ADGRV1: variants seen among roughly 807,000 people sequenced by gnomAD.
ADGRV1 encodes the protein adhesion G protein-coupled receptor V1, also known as G-protein coupled receptor 98.
A neutral mutation model predicts 596.2 loss-of-function variants in ADGRV1; 359 were observed. The ratio of observed to expected loss-of-function variants is 0.60; its 90% CI spans 0.55 to 0.66. The LOEUF is 0.66. Ranked by LOEUF, ADGRV1 falls within the 30% of genes least tolerant of loss-of-function variation. ADGRV1 has a pLI of 0.00. For missense variants in ADGRV1, 7,274 were observed against 7,575.6 expected, an observed-to-expected ratio of 0.96 and a Z score of 1.48; for synonymous variants, 2,681 against 2,679.2, an observed-to-expected ratio of 1.00 and a Z score of -0.02.
chr5:90,961,502 A>G (rs1431609067), intron 83 of ADGRV1, among the ~76,000 whole-genome samples: 2 of 128,808 alleles, frequency 1.6e-5, no homozygotes, highest in Admixed American at 1.5e-4. Context: ...AAAAAAAAAA[A>G]AAAAAGGGGG....
intron 18 of ADGRV1, among the ~76,000 whole-genome samples, chr5:90,651,953 C>G (rs1453734878): frequency 1.3e-5 from 2 of 151,158 alleles, no homozygotes; most frequent in Admixed American, 6.6e-5. Context: ...CCCCACCCCC[C>G]TCGTTCAAAC....
rs563083104 is a variant in ADGRV1, at chr5:90,661,822, A to G, written c.4752+3544A>G. Among the ~76,000 whole-genome samples, 8 of 152,314 alleles carry G rather than the reference A, an allele frequency of 5.3e-5. No homozygotes were observed. The East Asian group carries it at 1.5e-3, about 29-fold the overall frequency. On this transcript the variant is annotated intron_variant, in intron 21 of 89. Coordinates refer to ENST00000405460, the MANE Select transcript of ADGRV1 (RefSeq NM_032119.4). ...GTATCATAATTCTAAACTCAATTAG[A>G]TGAATATTTTAATATTAGAAAAAAG...
At chr5:91,057,725 G>A (rs1486271419) in intron 85 of ADGRV1, among the ~76,000 whole-genome samples, 1 of 152,200 alleles carries the variant, frequency 6.6e-6, no homozygotes, top group Non-Finnish European at 1.5e-5. Context: ...TGGTGGGAGA[G>A]GGGATTGTGA....
chr5:90,572,670 AAT>A (rs1291752449), intron 1 of ADGRV1, among the ~76,000 whole-genome samples: 11 of 152,182 alleles, frequency 7.2e-5, no homozygotes, highest in African/African-American at 2.7e-4. Context: ...ATGAATTAAC[AAT>A]ATCTAACAAA....
At chr5:90,970,435 G>A (rs1168477928) in intron 84 of ADGRV1, among the ~76,000 whole-genome samples, 1 of 152,178 alleles carries the variant, frequency 6.6e-6, no homozygotes, top group Admixed American at 6.5e-5. Context: ...CCTCAAGTGG[G>A]TCTCTGACCC....
At chr5:91,108,604 T>G (rs1267513861) in intron 87 of ADGRV1, among the ~76,000 whole-genome samples, 1 of 152,062 alleles carries the variant, frequency 6.6e-6, no homozygotes, top group African/African-American at 2.4e-5. Context: ...ACAGTCTTTT[T>G]TTTCCTTTGA....
intron 85 of ADGRV1, among the ~76,000 whole-genome samples, chr5:90,992,669 G>A (rs1781069617): frequency 6.6e-6 from 1 of 152,066 alleles, no homozygotes; most frequent in African/African-American, 2.4e-5. Flanking sequence ...TTTAGATTCT[G>A]GTTTAATTTC....
chr5:90,634,530 T>C (rs1765902627), intron 9 of ADGRV1, among the ~76,000 whole-genome samples: 2 of 152,130 alleles, frequency 1.3e-5, no homozygotes, highest in Admixed American at 6.6e-5. Context: ...ATAAATGGAG[T>C]TCTGAGTAGT....
At chr5:90,721,974 A>G (rs753568365) in intron 45 of ADGRV1, among the ~76,000 whole-genome samples, 6 of 152,230 alleles carry the variant, frequency 3.9e-5, no homozygotes, top group Non-Finnish European at 7.3e-5. Context: ...GGACAAGACC[A>G]TATCATTCAA....
intron 86 of ADGRV1, among the ~76,000 whole-genome samples, chr5:91,086,235 A>G (rs1474485961): frequency 6.6e-6 from 1 of 152,192 alleles, no homozygotes; most frequent in Non-Finnish European, 1.5e-5. Flanking sequence ...TATCAACTTG[A>G]GCCTAACTTC....
chr5:90,726,761 C>T (rs1751847464), intron 48 of ADGRV1, among the ~76,000 whole-genome samples: 1 of 151,870 alleles, frequency 6.6e-6, no homozygotes, highest in Admixed American at 6.6e-5. Flanking sequence ...GAAAGATTCA[C>T]TTATAGTTCA....
rs763746918 is a variant in ADGRV1, at chr5:90,815,605, A to G, written c.16079-14A>G. On this transcript the variant is annotated splice_polypyrimidine_tract_variant and intron_variant, in intron 74 of 89. Coordinates refer to ENST00000405460, the MANE Select transcript of ADGRV1 (RefSeq NM_032119.4). Reference sequence around the variant, plus strand: ...ATTCTTGAATATATTATAGCCCTCCATTCTTTTTTTCAGGGAGTGACCTTC... The same window carrying G: ...ATTCTTGAATATATTATAGCCCTCCGTTCTTTTTTTCAGGGAGTGACCTTC... 4 of 1,385,508 alleles carry G rather than the reference A, an allele frequency of 2.9e-6. No homozygotes were observed. Among genetic ancestry groups the G allele is most frequent in the Non-Finnish European group, 3.0e-6 (3 of 993,666 alleles). 85.8% of individuals were successfully genotyped at this position (1,385,508 alleles called of 1,614,324 possible).
intron 83 of ADGRV1, among the ~76,000 whole-genome samples, chr5:90,883,094 A>G (rs554672776): frequency 1.3e-5 from 2 of 152,318 alleles, no homozygotes; most frequent in Non-Finnish European, 2.9e-5. Context: ...GAGTATATCT[A>G]TAAAACTGTT....
chr5:91,011,399 GTC>G (rs1490059836), intron 85 of ADGRV1, among the ~76,000 whole-genome samples: 4 of 151,882 alleles, frequency 2.6e-5, no homozygotes, highest in African/African-American at 7.2e-5. Context: ...ACAGTTGTGT[GTC>G]TGTTTCTCTT....
In ADGRV1 at chr5:90,676,094, A is replaced by G; in HGVS notation, c.5328A>G (p.Thr1776=). The G allele has an allele frequency of 6.2e-7, 1 of 1,600,774 alleles. No individual in the cohort carries two copies. Among genetic ancestry groups the G allele is most frequent in the Non-Finnish European group, 8.5e-7 (1 of 1,171,810 alleles). ...TTATATTTCAGAATGTTGCTGGCAC[A>G]TTAGAATTTCAACCAGGAGAAAGAT... ...SPEDYQNVAG[T]LEFQPGERYK... The change falls in exon 25 of 90, where the codon ACA becomes ACG. Residue 1776 remains threonine (T), a synonymous_variant. Transcript: ENST00000405460.
intron 85 of ADGRV1, among the ~76,000 whole-genome samples, chr5:91,058,088 T>C (rs947095840): frequency 6.6e-6 from 1 of 152,080 alleles, no homozygotes; most frequent in Non-Finnish European, 1.5e-5. Context: ...CCTGAAAACA[T>C]TTTAGGTTAT....
In ADGRV1 at chr5:90,755,774, CAA is replaced by C. The variant is rs1755767332; in HGVS notation, c.11580+592_11580+593del. ...TGTTAATAATATTATAAAATAATAA[CAA>C]AATGTTGTTTTATATTATATAAATA... On this transcript the variant is annotated intron_variant, in intron 55 of 89. Coordinates refer to ENST00000405460, the MANE Select transcript of ADGRV1 (RefSeq NM_032119.4). Among the ~76,000 whole-genome samples, 3 of 148,498 alleles carry C rather than the reference CAA, an allele frequency of 2.0e-5. No individual in the cohort carries two copies. The South Asian group carries it at 6.3e-4, about 31-fold the overall frequency.
At position 90,682,574 on chromosome 5, in the gene ADGRV1, A is replaced by G. The variant is rs1745089344; in HGVS notation, c.5665-1012A>G. Reference sequence around the variant, plus strand: ...TAGCTGCTTGCTCAGCTTCCATACGAATAATGAAGAAATATCACTCAAACA... The same window carrying G: ...TAGCTGCTTGCTCAGCTTCCATACGGATAATGAAGAAATATCACTCAAACA... On this transcript the variant is annotated intron_variant, in intron 27 of 89. Coordinates refer to ENST00000405460, the MANE Select transcript of ADGRV1 (RefSeq NM_032119.4). Among the ~76,000 whole-genome samples the G allele has an allele frequency of 2.0e-5, 3 of 152,236 alleles. No individual in the cohort carries two copies. In the South Asian group the frequency reaches 6.2e-4, roughly 32 times the overall value.
At chr5:90,704,590 A>G in intron 36 of ADGRV1, 102 bp downstream of exon 36, 1 of 666,438 alleles carries the variant, frequency 1.5e-6, no homozygotes, top group South Asian at 2.1e-5. Flanking sequence ...ACCAATTTTT[A>G]AAATGTTACT....
Sources: gnomAD v4.1 joint callset for allele counts (sites outside exome capture counted in the v4.1 genomes callset) on GRCh38, gnomAD v4.1.1 for gene constraint, MANE v1.5 for transcripts, NCBI Gene and HGNC (gene_info 2026-07-23, HGNC 2026-07-21) for gene names.